The following IGF2 variants were observed in gnomAD, a reference collection of about 807,000 sequenced individuals.
The protein encoded by IGF2 is insulin-like growth factor 2.
IGF2 carries 2 observed loss-of-function variants against 12.0 expected under a neutral mutation model. That is an observed-to-expected ratio of 0.17 (90% CI 0.07 to 0.52). The LOEUF (loss-of-function observed/expected upper bound fraction) is 0.52, where lower values mean the gene tolerates loss of function less well. IGF2 is among the 20% of genes least tolerant of loss of function. The probability of loss-of-function intolerance (pLI) is 0.95; values close to 1 mark genes in which losing one functional copy is unlikely to be tolerated. For synonymous variants in IGF2, 105 were observed against 110.1 expected (o/e 0.95, Z 0.29); for missense variants, 211 against 268.0 (o/e 0.79, Z 1.48).
chr11:2,139,021 G>C lies in IGF2; in HGVS notation c.-799C>G. The stretch of plus-strand genomic sequence containing the variant: ...CGGGACGCAGCGCGGAAAGGGGAGC[G>C]GCCCGAGGCTGCGCGCCGGGGGGAG... On this transcript the variant is annotated 5_prime_UTR_variant, in exon 1 of 4. Coordinates refer to ENST00000416167, the MANE Select transcript of IGF2 (RefSeq NM_000612.6). 2.1e-6 allele frequency: 2 copies of C among 951,472 alleles called. No homozygotes were observed. The highest frequency in any genetic ancestry group is 9.9e-5 in the South Asian group (2 of 20,156). The allele number at this position is 951,472 out of a possible 1,614,324, so 58.9% of individuals were successfully genotyped here.
chr11:2,142,133 T>C (rs1859635836), upstream of IGF2, among the ~76,000 whole-genome samples: 1 of 151,202 alleles, frequency 6.6e-6, no homozygotes, highest in Admixed American at 6.6e-5. This position sits in a 1 kb window ranked among gnomAD's most constrained non-coding sequence, Gnocchi z 5.7. Flanking sequence ...GCTTTGGGGG[T>C]CCATGGAACA....
At chr11:2,146,155 C>T (rs1316177847), upstream of IGF2, 2 of 493,176 alleles carry the variant, frequency 4.1e-6, no homozygotes, top group Non-Finnish European at 8.1e-6. Context: ...TGGAGCCTGG[C>T]CCATGCCCCA....
intron 1 of IGF2, chr11:2,137,229 AGG>A: frequency 3.0e-6 from 3 of 996,550 alleles, no homozygotes; most frequent in Non-Finnish European, 3.6e-6. Flanking sequence ...GAGGAGGAGG[AGG>A]AAGAGGAGGA....
rs1404342187 is a variant in IGF2, at chr11:2,131,662, CGT to C, written c.*1323_*1324del. On this transcript the variant is annotated 3_prime_UTR_variant, in exon 4 of 4. Coordinates refer to ENST00000416167, the MANE Select transcript of IGF2 (RefSeq NM_000612.6). ...TGTGTTCATGTGTGTGCTGTGTGTG[CGT>C]GTGCTGTGTGCATGTGTGTGCTGTG... 7.4e-4 allele frequency: 124 copies of C among 167,200 alleles called. 1 individual carries two copies. In the East Asian group the frequency reaches 0.01, roughly 14 times the overall value. The allele number at this position is 167,200 out of a possible 1,614,324, so 10.4% of individuals were successfully genotyped here.
upstream of IGF2, among the ~76,000 whole-genome samples, chr11:2,145,578 G>A (rs1256479883): frequency 6.6e-6 from 1 of 152,210 alleles, no homozygotes; most frequent in Non-Finnish European, 1.5e-5. Context: ...GCCCTGCCGA[G>A]GTGCCTTCCC....
At position 2,130,206 on chromosome 11, in the gene IGF2, C is replaced by A. The variant is rs1858437040; in HGVS notation, c.*2781G>T. 8.6e-6 allele frequency: 2 copies of A among 231,262 alleles called. No homozygotes were observed. The highest frequency in any genetic ancestry group is 1.7e-5 in the Non-Finnish European group (2 of 116,978). The allele number at this position is 231,262 out of a possible 1,614,324, so 14.3% of individuals were successfully genotyped here. A position where few individuals can be genotyped will look rare whatever the true frequency, so the allele number is the denominator to read the frequency against. ...CGGCCAGCCTCAGGCCAGCCAGGAG[C>A]CCCCTCCTGTGGCCTCCGAGCACCC... On this transcript the variant is annotated 3_prime_UTR_variant, in exon 4 of 4. Coordinates refer to ENST00000416167, the MANE Select transcript of IGF2 (RefSeq NM_000612.6).
At chr11:2,135,586 AG>A in intron 1 of IGF2, 57 bp from the exon 2 acceptor site, 1 of 1,528,350 alleles carries the variant, frequency 6.5e-7, no homozygotes, top group Non-Finnish European at 8.9e-7. Context: ...CCCAGGCCAG[AG>A]GTGCCCCTCC....
upstream of IGF2, among the ~76,000 whole-genome samples, chr11:2,145,337 T>C (rs971463762): frequency 1.3e-5 from 2 of 152,170 alleles, no homozygotes; most frequent in East Asian, 1.9e-4. Context: ...GCAAACCTGG[T>C]CCCCGGGAGA....
At position 2,133,045 on chromosome 11, in the gene IGF2, G is replaced by C; in HGVS notation, c.485C>G (p.Pro162Arg). 2 of 1,598,758 alleles carry C rather than the reference G, an allele frequency of 1.3e-6. No homozygotes were observed. Among genetic ancestry groups the C allele is most frequent in the Non-Finnish European group, 8.5e-7 (1 of 1,171,136 alleles). The change falls in exon 4 of 4, where the codon CCC (proline) becomes CGC (arginine). Residue 162 changes from proline to arginine, a missense_variant. Pro to Arg is a moderately radical substitution (Grantham distance 103). Around this residue, in one of 3 missense-constraint regions of IGF2, gnomAD observed 141 missense variants for 153.1 expected, o/e 0.92. Coordinates refer to ENST00000416167, the MANE Select transcript of IGF2 (RefSeq NM_000612.6). The surrounding 1 kb of genome is among the most constrained non-coding windows in gnomAD (Gnocchi z 8.9). ...AKRHRPLIAL[P>R]TQDPAHGGAP... is the part of the protein sequence containing the mutation. ...GCCCCCGTGGGCGGGGTCTTGGGTGGGTAGAGCAATCAGGGGACGGTGACG... is the reference window on the plus strand; with the variant it reads ...GCCCCCGTGGGCGGGGTCTTGGGTGCGTAGAGCAATCAGGGGACGGTGACG...
upstream of IGF2, among the ~76,000 whole-genome samples, chr11:2,139,576 C>CCCCG (rs1859401697): frequency 1.0e-5 from 1 of 96,528 alleles, no homozygotes; most frequent in African/African-American, 4.5e-5. Context: ...CCTGGGGCCC[C>CCCCG]GGGGGGGGGG....
chr11:2,133,251 G>T lies in IGF2; in HGVS notation c.307-28C>A. On this transcript the variant is annotated intron_variant, in intron 3 of 3. Coordinates refer to ENST00000416167, the MANE Select transcript of IGF2 (RefSeq NM_000612.6). This position sits in a 1 kb window ranked among gnomAD's most constrained non-coding sequence, Gnocchi z 8.9. ...GGGAGGGGAAGGGGCTGGTCAGCAG[G>T]TGCCTGCTCTCCACGCTCTTCCGCC... The T allele has an allele frequency of 6.9e-7, 1 of 1,439,948 alleles. No homozygotes were observed. Among genetic ancestry groups the T allele is most frequent in the Non-Finnish European group, 9.4e-7 (1 of 1,062,370 alleles). The allele number at this position is 1,439,948 out of a possible 1,614,324, so 89.2% of individuals were successfully genotyped here.
In IGF2 at chr11:2,138,391, G is replaced by C. The variant is rs957056382; in HGVS notation, c.-169C>G. 2.0e-3 allele frequency: 1,096 copies of C among 536,644 alleles called. 28 individuals are homozygous for C. Among genetic ancestry groups the C allele is most frequent in the South Asian group, 3.8e-3 (47 of 12,402 alleles). The allele number at this position is 536,644 out of a possible 1,614,324, so 33.2% of individuals were successfully genotyped here. On this transcript the variant is annotated 5_prime_UTR_variant, in exon 1 of 4. Transcript: ENST00000416167. ...GAGCGGGGGGATGGCTTTTTTTTGG[G>C]GGGGGGGGGAGAATTCGTCTGATTG...
At chr11:2,147,626 G>T in the IGF2 span, 1 of 1,242,164 alleles carries the variant, frequency 8.1e-7, no homozygotes, top group Non-Finnish European at 1.0e-6. This position sits in a 1 kb window ranked among gnomAD's most constrained non-coding sequence, Gnocchi z 7.2. Flanking sequence ...TTCTGGGAGC[G>T]CTGGGGTCGC....
chr11:2,146,389 C>T, the IGF2 span: 1 of 534,730 alleles, frequency 1.9e-6, no homozygotes, highest in Non-Finnish European at 3.8e-6. Flanking sequence ...CTTGCGCTCA[C>T]TCCCCTCGCT....
intron 1 of IGF2, chr11:2,137,260 C>G: frequency 1.0e-6 from 1 of 994,430 alleles, no homozygotes; most frequent in Non-Finnish European, 1.2e-6. Context: ...CTGGAAGTCT[C>G]TTTCACAGGA....
At chr11:2,140,224 T>C, upstream of IGF2, 1 of 1,613,220 alleles carries the variant, frequency 6.2e-7, no homozygotes, top group African/African-American at 1.3e-5. Flanking sequence ...CCGTCCTCAG[T>C]GCGTTGGACT....
Position 2,131,947 on chromosome 11 carries a change from G to A in IGF2, c.*1040C>T, listed in dbSNP as rs1266822719. On this transcript the variant is annotated 3_prime_UTR_variant, in exon 4 of 4. Transcript: ENST00000416167. ...GCATGTGTGTGCGTGTGTGTGCCGT[G>A]CGTTTGTGTGCTGTGTGTGCATGTG... The A allele has an allele frequency of 6.1e-6, 1 of 163,058 alleles. No individual in the cohort carries two copies. Among genetic ancestry groups the A allele is most frequent in the African/African-American group, 3.0e-5 (1 of 33,832 alleles). The allele number at this position is 163,058 out of a possible 1,614,324, so 10.1% of individuals were successfully genotyped here.
At chr11:2,137,906 C>T (rs1564898532) in intron 1 of IGF2, among the ~76,000 whole-genome samples, 1 of 152,188 alleles carries the variant, frequency 6.6e-6, no homozygotes, top group African/African-American at 2.4e-5. Context: ...AGGCACGAAT[C>T]ACACATGTGA....
chr11:2,135,444 C>A lies in IGF2; in HGVS notation c.80G>T (p.Arg27Leu), dbSNP rs1356855570. 1.9e-6 allele frequency: 3 copies of A among 1,613,774 alleles called. No individual in the cohort carries two copies. Among genetic ancestry groups the A allele is most frequent in the Admixed American group, 1.7e-5 (1 of 60,020 alleles). ...CCCGCCGCACAGGGTCTCACTGGGG[C>A]GGTAAGCAGCAATGCAGCACGAGGC... ...AFASCCIAAY[R>L]PSETLCGGEL... Residue 27 changes from arginine (R) to leucine (L), a missense_variant, in exon 2 of 4, where the codon CGC becomes CTC. Physicochemically the swap from Arg to Leu is moderately radical, Grantham distance 102. Coordinates refer to ENST00000416167, the MANE Select transcript of IGF2 (RefSeq NM_000612.6).
Sources: gnomAD v4.1 joint callset for allele counts (sites outside exome capture counted in the v4.1 genomes callset) on GRCh38, gnomAD v4.1.1 for gene constraint, gnomAD v4.1.1 regional missense constraint, Gnocchi (gnomAD v3.1) non-coding constraint, MANE v1.5 for transcripts, NCBI Gene and HGNC (gene_info 2026-07-23, HGNC 2026-07-21) for gene names.